Variants in SORCS3 observed in about 807,000 individuals in gnomAD.
The protein encoded by SORCS3 is sortilin related VPS10 domain containing receptor 3.
In SORCS3, 57 loss-of-function variants were observed where a neutral mutation model predicts 146.3. The observed-to-expected ratio is 0.39, with a 90% CI of 0.31 to 0.49. SORCS3 has a LOEUF of 0.49. SORCS3 is among the 20% of genes least tolerant of loss of function. The probability of loss-of-function intolerance (pLI) is 0.92; values close to 1 mark genes in which losing one functional copy is unlikely to be tolerated. For missense variants in SORCS3, 1,341 were observed against 1,575.5 expected, an observed-to-expected ratio of 0.85 and a Z score of 2.52; for synonymous variants, 653 against 618.5, an observed-to-expected ratio of 1.06 and a Z score of -0.83.
At chr10:104,940,234 A>ATT (rs2019302729) in intron 3 of SORCS3, among the ~76,000 whole-genome samples, 1 of 24,250 alleles carries the variant, frequency 4.1e-5, no homozygotes, top group Non-Finnish European at 7.4e-5. Context: ...ATATATATAT[A>ATT]TATATTTTTT....
intron 14 of SORCS3, among the ~76,000 whole-genome samples, chr10:105,196,658 A>T (rs1426267977): frequency 8.5e-5 from 13 of 152,196 alleles, no homozygotes; most frequent in African/African-American, 3.1e-4. Flanking sequence ...CCACACTTTT[A>T]TTTTTTCATG....
intron 3 of SORCS3, among the ~76,000 whole-genome samples, chr10:104,925,230 A>T (rs1431170616): frequency 2.0e-5 from 3 of 152,226 alleles, no homozygotes; most frequent in Admixed American, 2.0e-4. Context: ...CTTGCAAAGA[A>T]AATGAACTCA....
chr10:105,140,369 A>G lies in SORCS3; in HGVS notation c.1302+883A>G, dbSNP rs545480409. Reference sequence around the variant, plus strand: ...CACTCTTTTATGCATCCGTTCAACTATTCTTTCTCCATTTAACTTTTCCTC... The same window carrying G: ...CACTCTTTTATGCATCCGTTCAACTGTTCTTTCTCCATTTAACTTTTCCTC... On this transcript the variant is annotated intron_variant, in intron 8 of 26. Transcript: ENST00000369701. Among the ~76,000 whole-genome samples the G allele has an allele frequency of 2.0e-3, 303 of 152,272 alleles. 7 individuals are homozygous for G. Among genetic ancestry groups the G allele is most frequent in the East Asian group, 7.7e-4 (4 of 5,184 alleles).
At chr10:105,077,397 G>A (rs898263414) in intron 5 of SORCS3, among the ~76,000 whole-genome samples, 1 of 151,994 alleles carries the variant, frequency 6.6e-6, no homozygotes, top group African/African-American at 2.4e-5. Context: ...TAATTTGCTG[G>A]GGAAACCAGA....
At chr10:104,813,949 C>A (rs956731107) in intron 1 of SORCS3, among the ~76,000 whole-genome samples, 5 of 143,366 alleles carry the variant, frequency 3.5e-5, no homozygotes, top group African/African-American at 1.3e-4. Flanking sequence ...TTTTTTTTGC[C>A]AGGGGGTGTG....
Position 105,167,251 on chromosome 10 carries a change from G to A in SORCS3, c.1810-7G>A. 6.2e-7 allele frequency: 1 copy of A among 1,605,960 alleles called. No homozygotes were observed. The highest frequency in any genetic ancestry group is 8.5e-7 in the Non-Finnish European group (1 of 1,173,342). On this transcript the variant is annotated splice_polypyrimidine_tract_variant and splice_region_variant and intron_variant, in intron 12 of 26. Coordinates refer to ENST00000369701, the MANE Select transcript of SORCS3 (RefSeq NM_014978.3). Reference sequence around the variant, plus strand: ...TATGATTGTTGTTGTTGTTGTTGTTGTTCCAGATCTTTGATGAAGAGTACA... The same window carrying A: ...TATGATTGTTGTTGTTGTTGTTGTTATTCCAGATCTTTGATGAAGAGTACA...
At chr10:105,115,117 G>T (rs1315945322) in intron 7 of SORCS3, among the ~76,000 whole-genome samples, 1 of 152,122 alleles carries the variant, frequency 6.6e-6, no homozygotes, top group African/African-American at 2.4e-5. Context: ...GTGGTCTGAT[G>T]TGGAGAAAAC....
At chr10:105,048,247 C>T (rs1274305818) in intron 5 of SORCS3, among the ~76,000 whole-genome samples, 18 of 150,616 alleles carry the variant, frequency 1.2e-4, no homozygotes, top group South Asian at 2.1e-4. Context: ...GTGTTTATTG[C>T]GGCACTATTC....
At chr10:105,083,462 G>C (rs942964051) in intron 5 of SORCS3, among the ~76,000 whole-genome samples, 1 of 151,902 alleles carries the variant, frequency 6.6e-6, no homozygotes, top group Non-Finnish European at 1.5e-5. Flanking sequence ...AGGTGCCAGG[G>C]GCAATTATTA....
At chr10:104,753,950 T>A (rs2017017330) in intron 1 of SORCS3, among the ~76,000 whole-genome samples, 1 of 152,236 alleles carries the variant, frequency 6.6e-6, no homozygotes, top group Non-Finnish European at 1.5e-5. Flanking sequence ...CTGGAAGGTT[T>A]AAATCATAGT....
In SORCS3 at chr10:105,089,759, TCC is replaced by T; in HGVS notation, c.1029-14_1029-13del. On this transcript the variant is annotated splice_polypyrimidine_tract_variant and intron_variant, in intron 5 of 26. Transcript: ENST00000369701. ...GGTGTTGTCACTGAGCTTCTGTCTC[TCC>T]CTTCCTTTCCCAGGTCGGTGGCCGG... 1 of 1,612,872 alleles carries T rather than the reference TCC, an allele frequency of 6.2e-7. No individual in the cohort carries two copies. The highest frequency in any genetic ancestry group is 8.5e-7 in the Non-Finnish European group (1 of 1,178,986).
Position 104,880,443 on chromosome 10 carries a change from T to C in SORCS3, c.696-35390T>C, listed in dbSNP as rs1017681509. The stretch of plus-strand genomic sequence containing the variant: ...CTCTTTCAAAATCTGCTAGTTGGTA[T>C]TGATGCTCAGGCATGATTGAGTTTA... On this transcript the variant is annotated intron_variant, in intron 2 of 26. Coordinates refer to ENST00000369701, the MANE Select transcript of SORCS3 (RefSeq NM_014978.3). Among the ~76,000 whole-genome samples, 9 of 152,328 alleles carry C rather than the reference T, an allele frequency of 5.9e-5. No homozygotes were observed. The South Asian group carries it at 1.0e-3, about 18-fold the overall frequency.
intron 1 of SORCS3, chr10:104,664,524 T>C (rs925253068): frequency 6.6e-6 from 1 of 152,232 alleles, no homozygotes; most frequent in Admixed American, 6.5e-5. Context: ...CACAGCCATG[T>C]CCTGCTTATG....
chr10:105,227,886 T>C (rs1420204213), intron 20 of SORCS3, among the ~76,000 whole-genome samples: 1 of 152,034 alleles, frequency 6.6e-6, no homozygotes, highest in Non-Finnish European at 1.5e-5. Flanking sequence ...TTTTCAGTTT[T>C]CATTTGCATG....
At chr10:104,919,551 G>A (rs1030928468) in intron 3 of SORCS3, among the ~76,000 whole-genome samples, 41 of 152,148 alleles carry the variant, frequency 2.7e-4, no homozygotes, top group African/African-American at 7.7e-4. Context: ...TTAGCCAGGC[G>A]TGGTGGTACA....
intron 3 of SORCS3, among the ~76,000 whole-genome samples, chr10:104,968,361 C>T (rs141444647): frequency 6.6e-6 from 1 of 152,162 alleles, no homozygotes; most frequent in Admixed American, 6.5e-5. Context: ...GGTGATCTAC[C>T]CGCCTGGGCC....
intron 22 of SORCS3, among the ~76,000 whole-genome samples, chr10:105,251,482 C>T (rs542225967): frequency 5.3e-5 from 8 of 152,172 alleles, no homozygotes; most frequent in South Asian, 4.2e-4. Flanking sequence ...TCATGTGTCA[C>T]GGTGGACATG....
chr10:104,867,466 C>A (rs1360530401), intron 2 of SORCS3, among the ~76,000 whole-genome samples: 1 of 152,036 alleles, frequency 6.6e-6, no homozygotes. Flanking sequence ...CCCACCACCA[C>A]GCCCGGCTAA....
At chr10:104,881,028 A>G (rs1014355148) in intron 2 of SORCS3, among the ~76,000 whole-genome samples, 8 of 152,202 alleles carry the variant, frequency 5.3e-5, no homozygotes, top group African/African-American at 1.9e-4. Context: ...AATCAAAACT[A>G]TGATTATTTA....
Sources: allele counts gnomAD v4.1 joint callset (sites outside exome capture counted in the v4.1 genomes callset), GRCh38; gene constraint gnomAD v4.1.1; transcripts MANE v1.5; gene names NCBI Gene and HGNC (gene_info 2026-07-23, HGNC 2026-07-21).